KIN: variants seen among roughly 807,000 people sequenced by gnomAD.
KIN encodes Kin17 DNA and RNA binding protein, also known as DNA/RNA-binding protein KIN17.
In KIN, 47 loss-of-function variants were observed where a neutral mutation model predicts 63.0. The observed-to-expected ratio is 0.75, with a 90% CI of 0.59 to 0.95. The LOEUF is 0.95. Among genes scored for constraint, KIN ranks in the 40% least tolerant of loss-of-function variants. The pLI is 0.00. For synonymous variants in KIN, 160 were observed against 157.7 expected, an observed-to-expected ratio of 1.01 and a Z score of -0.11; for missense variants, 408 against 460.9, an observed-to-expected ratio of 0.89 and a Z score of 1.05.
At chr10:7,771,909 A>G (rs931371628) in intron 7 of KIN, among the ~76,000 whole-genome samples, 1 of 151,680 alleles carries the variant, frequency 6.6e-6, no homozygotes, top group African/African-American at 2.4e-5. Flanking sequence ...AAAAAAAAAA[A>G]AAGAAAGAAA....
At chr10:7,763,917 T>C in intron 9 of KIN, 126 bp from the exon 10 acceptor site, 1 of 548,412 alleles carries the variant, frequency 1.8e-6, no homozygotes, top group Non-Finnish European at 3.2e-6. Flanking sequence ...AAATAAGAAA[T>C]GCTGGAGTTC....
chr10:7,760,347 G>C (rs907558174), intron 11 of KIN, among the ~76,000 whole-genome samples: 1 of 152,028 alleles, frequency 6.6e-6, no homozygotes, highest in South Asian at 2.1e-4. Flanking sequence ...AAGATGGTTT[G>C]GCAGTTTTAC....
At chr10:7,770,235 G>A (rs1835640695) in intron 7 of KIN, among the ~76,000 whole-genome samples, 2 of 152,128 alleles carry the variant, frequency 1.3e-5, no homozygotes, top group African/African-American at 4.8e-5. Flanking sequence ...CCGGCTGACA[G>A]TGTAAATTCT....
At chr10:7,779,048 A>G (rs1439450768) in intron 4 of KIN, 29 bp from the exon 5 acceptor site, 10 of 1,596,324 alleles carry the variant, frequency 6.3e-6, no homozygotes, top group Non-Finnish European at 8.5e-6. Flanking sequence ...GCCATAAATT[A>G]GCATACAATC....
At chr10:7,767,737 T>C (rs1339360910) in intron 8 of KIN, among the ~76,000 whole-genome samples, 1 of 151,812 alleles carries the variant, frequency 6.6e-6, no homozygotes, top group East Asian at 1.9e-4. Context: ...CGGGTGCCTG[T>C]AATCCCAGCT....
At chr10:7,776,821 C>A (rs1451870818) in intron 5 of KIN, among the ~76,000 whole-genome samples, 1 of 150,392 alleles carries the variant, frequency 6.6e-6, no homozygotes, top group East Asian at 2.0e-4. Context: ...AGGTCGAGCT[C>A]AGGCAGGAGG....
In KIN at chr10:7,778,693, T is replaced by G. The variant is rs1412531375; in HGVS notation, c.558+145A>C. 8 of 787,410 alleles carry G rather than the reference T, an allele frequency of 1.0e-5. No homozygotes were observed. In the African/African-American group the frequency reaches 1.0e-4, roughly 10 times the overall value. 48.8% of individuals were successfully genotyped at this position (787,410 alleles called of 1,614,324 possible). A position where few individuals can be genotyped will look rare whatever the true frequency, so the allele number is the denominator to read the frequency against. ...GGCAGAGGTTGCAGTGAGCTGAGAT[T>G]GCGCTACTGCACTCCAGCCTGGGCG... On this transcript the variant is annotated intron_variant, in intron 5 of 12. Transcript: ENST00000379562.
Position 7,751,991 on chromosome 10 carries a change from C to T in KIN, c.*4089G>A, listed in dbSNP as rs1386208195. ...CGGAGCTTGCAGTGAGCCGAGATTG[C>T]GCCACTGCAGTCCGCAGTCCGGCCT... is the stretch of plus-strand genomic sequence containing the variant. On this transcript the variant is annotated 3_prime_UTR_variant, in exon 13 of 13. Transcript: ENST00000379562. 2 of 2,056 alleles carry T rather than the reference C, an allele frequency of 9.7e-4. 1 individual carries two copies. Among genetic ancestry groups the T allele is most frequent in the Non-Finnish European group, 1.6e-3 (2 of 1,224 alleles). 0.1% of individuals were successfully genotyped at this position (2,056 alleles called of 1,614,324 possible).
At position 7,778,940 on chromosome 10, in the gene KIN, T is replaced by C. The variant is rs766056160; in HGVS notation, c.456A>G (p.Gln152=). ...IDRDPETIRR[Q]LELEKKKKQD... ...GCTTTTTCTTTTTCTCCAGTTCCAG[T>C]TGCCGGCGGATAGTTTCTGGGTCCC... Residue 152 remains glutamine (Q), a synonymous_variant, in exon 5 of 13, where the codon CAA becomes CAG. Coordinates refer to ENST00000379562, the MANE Select transcript of KIN (RefSeq NM_012311.4). The C allele has an allele frequency of 3.1e-6, 5 of 1,614,164 alleles. No individual in the cohort carries two copies. The highest frequency in any genetic ancestry group is 4.2e-6 in the Non-Finnish European group (5 of 1,180,034).
intron 1 of KIN, among the ~76,000 whole-genome samples, chr10:7,785,580 G>A (rs1835984609): frequency 6.6e-6 from 1 of 151,990 alleles, no homozygotes; most frequent in Admixed American, 6.6e-5. Flanking sequence ...ATTACCTGAG[G>A]TCGGGAGTTT....
chr10:7,787,651 G>T (rs1436111269), intron 1 of KIN, among the ~76,000 whole-genome samples, 169 bp downstream of exon 1: 1 of 152,170 alleles, frequency 6.6e-6, no homozygotes, highest in Admixed American at 6.5e-5. Context: ...CTGCGGGGAG[G>T]GACGGCTCTC....
chr10:7,775,085 T>C lies in KIN; in HGVS notation c.608-194A>G, dbSNP rs371798097. On this transcript the variant is annotated intron_variant, in intron 6 of 12. Coordinates refer to ENST00000379562, the MANE Select transcript of KIN (RefSeq NM_012311.4). ...CTGAAAGCCATAGAACAGGAGGAACTTGCACACCGTGTCACCGTGGCAGAC... is the reference window on the plus strand; with the variant it reads ...CTGAAAGCCATAGAACAGGAGGAACCTGCACACCGTGTCACCGTGGCAGAC... Among the ~76,000 whole-genome samples, 36 of 152,304 alleles carry C rather than the reference T, an allele frequency of 2.4e-4. No homozygotes were observed. In the East Asian group the frequency reaches 6.6e-3, roughly 28 times the overall value.
chr10:7,776,203 C>G (rs1192779008), intron 5 of KIN, among the ~76,000 whole-genome samples: 1 of 148,702 alleles, frequency 6.7e-6, no homozygotes, highest in African/African-American at 2.5e-5. Flanking sequence ...GCACTCCAGC[C>G]TGGGTGACAG....
intron 11 of KIN, 58 bp from the exon 12 acceptor site, chr10:7,760,048 A>C: frequency 1.2e-6 from 1 of 826,170 alleles, no homozygotes; most frequent in South Asian, 1.6e-5. Context: ...TTTTCTTCTA[A>C]CTTGTTACAG....
intron 5 of KIN, among the ~76,000 whole-genome samples, chr10:7,778,522 C>T (rs778469883): frequency 1.3e-5 from 2 of 152,140 alleles, no homozygotes; most frequent in Non-Finnish European, 2.9e-5. Flanking sequence ...GGCCGGATCA[C>T]GAGGTCAGGA....
intron 12 of KIN, among the ~76,000 whole-genome samples, chr10:7,757,864 T>C (rs1016949284): frequency 2.0e-4 from 30 of 152,122 alleles, no homozygotes; most frequent in Admixed American, 1.0e-3. Context: ...GCTGAAGCTA[T>C]TTAGGAACAA....
At chr10:7,767,028 A>AG (rs1435485420) in intron 8 of KIN, among the ~76,000 whole-genome samples, 1 of 147,506 alleles carries the variant, frequency 6.8e-6, no homozygotes, top group East Asian at 2.1e-4. Context: ...ATCTCAAAAA[A>AG]AAAAAAAAAA....
rs1835324630 is a variant in KIN at position 7,755,954 on chromosome 10, T to G, written c.*126A>C. The G allele has an allele frequency of 3.7e-6, 2 of 537,768 alleles. No homozygotes were observed. The highest frequency in any genetic ancestry group is 6.6e-6 in the Non-Finnish European group (2 of 301,962). The allele number at this position is 537,768 out of a possible 1,614,324, so 33.3% of individuals were successfully genotyped here. A position where few individuals can be genotyped will look rare whatever the true frequency, so the allele number is the denominator to read the frequency against. On this transcript the variant is annotated 3_prime_UTR_variant, in exon 13 of 13. Transcript: ENST00000379562. ...GTTTAGCTGAACAACTATACAGTAA[T>G]ATTTTCAAAAACCTGTTTGTTTTAT...
At chr10:7,778,424 A>T (rs954451535) in intron 5 of KIN, among the ~76,000 whole-genome samples, 1 of 152,154 alleles carries the variant, frequency 6.6e-6, no homozygotes, top group Non-Finnish European at 1.5e-5. Context: ...AACAGTGCCC[A>T]CAGAACTTGA....
Sources: gnomAD v4.1 joint callset for allele counts (sites outside exome capture counted in the v4.1 genomes callset) on GRCh38, gnomAD v4.1.1 for gene constraint, MANE v1.5 for transcripts, NCBI Gene and HGNC (gene_info 2026-07-23, HGNC 2026-07-21) for gene names.